CCDC102B: variants seen among roughly 807,000 people sequenced by gnomAD.
CCDC102B encodes the protein coiled-coil domain containing 102B, also known as coiled-coil domain-containing protein 102B.
CCDC102B carries 75 observed loss-of-function variants against 57.4 expected under a neutral mutation model. The observed-to-expected ratio is 1.31, with a 90% confidence interval of 1.08 to 1.58. CCDC102B has a LOEUF of 1.58. CCDC102B is among the 40% of genes most tolerant of loss of function. The pLI, the probability that CCDC102B is intolerant of heterozygous loss-of-function variation, is 0.00. For synonymous variants in CCDC102B, 206 were observed against 201.9 expected, an observed-to-expected ratio of 1.02 and a Z score of -0.17; for missense variants, 636 against 582.6, an observed-to-expected ratio of 1.09 and a Z score of -0.94.
At chr18:68,936,793 A>T (rs1245932550) in intron 6 of CCDC102B, among the ~76,000 whole-genome samples, 1 of 150,744 alleles carries the variant, frequency 6.6e-6, no homozygotes, top group Non-Finnish European at 1.5e-5. Context: ...ATATATACAT[A>T]CACATATATA....
chr18:68,795,576 G>A (rs2035602304), upstream of CCDC102B, among the ~76,000 whole-genome samples: 1 of 152,036 alleles, frequency 6.6e-6, no homozygotes, highest in Admixed American at 6.6e-5. Context: ...TTGGTTTGTA[G>A]ACCTATCACT....
chr18:69,016,634 G>A (rs2051676747), intron 7 of CCDC102B, among the ~76,000 whole-genome samples: 1 of 152,082 alleles, frequency 6.6e-6, no homozygotes, highest in African/African-American at 2.4e-5. Context: ...TTTGCTTTAT[G>A]AATCACTATG....
At chr18:68,948,791 C>T (rs1445601871) in intron 6 of CCDC102B, among the ~76,000 whole-genome samples, 3 of 152,054 alleles carry the variant, frequency 2.0e-5, no homozygotes, top group Non-Finnish European at 2.9e-5. Flanking sequence ...TTCTAAGTGC[C>T]GAGTGTAACT....
In CCDC102B at chr18:68,781,074, T is replaced by C. The variant is rs568374875; in HGVS notation, c.-66-42292T>C. ...TAGATAAGCATAACTTATCTGTTTT[T>C]GTATGTATCATCTGTAATTGTTGTT... is the stretch of plus-strand genomic sequence containing the variant. On this transcript the variant is annotated intron_variant, in intron 2 of 3. Coordinates refer to the CCDC102B transcript ENST00000578970. Among the ~76,000 whole-genome samples the C allele has an allele frequency of 5.3e-5, 8 of 152,216 alleles. No homozygotes were observed. In the East Asian group the frequency reaches 1.4e-3, roughly 26 times the overall value.
chr18:68,874,602 A>G (rs2039370905), intron 4 of CCDC102B, 67 bp from the exon 5 acceptor site: 1 of 925,622 alleles, frequency 1.1e-6, no homozygotes, highest in Non-Finnish European at 1.7e-6. Flanking sequence ...ATGAAGGACT[A>G]ATGTGGATTA....
intron 7 of CCDC102B, among the ~76,000 whole-genome samples, chr18:69,023,718 C>G (rs568686146): frequency 6.6e-6 from 1 of 151,888 alleles, no homozygotes; most frequent in East Asian, 1.9e-4. Context: ...GCCACTGTTG[C>G]AATATATATT....
chr18:68,898,190 T>C (rs1286450918), intron 6 of CCDC102B, among the ~76,000 whole-genome samples: 1 of 152,110 alleles, frequency 6.6e-6, no homozygotes, highest in Non-Finnish European at 1.5e-5. Context: ...TATAGCATCT[T>C]AATGCACAAT....
In CCDC102B at chr18:68,738,998, G is replaced by GT. The variant is rs1208183457; in HGVS notation, c.-67+22418dup. Among the ~76,000 whole-genome samples, 401 of 136,800 alleles carry GT rather than the reference G, an allele frequency of 2.9e-3. 1 individual carries two copies. The highest frequency in any genetic ancestry group is 3.9e-3 in the Middle Eastern group (1 of 258). 89.7% of individuals were successfully genotyped at this position (136,800 alleles called of 152,430 possible). A position where few individuals can be genotyped will look rare whatever the true frequency, so the allele number is the denominator to read the frequency against. On this transcript the variant is annotated intron_variant, in intron 2 of 3. Coordinates refer to the CCDC102B transcript ENST00000578970. The stretch of plus-strand genomic sequence containing the variant: ...TTGGACTGTAGATGAGCAGCCTTTT[G>GT]TTTTTTTTTTTTTTAGACCAGGTCT...
intron 2 of CCDC102B, among the ~76,000 whole-genome samples, chr18:68,728,817 T>C (rs2032721464): frequency 6.6e-6 from 1 of 152,082 alleles, no homozygotes; most frequent in African/African-American, 2.4e-5. Flanking sequence ...ACCACACCTA[T>C]TAAATATTGT....
chr18:68,734,187 C>T (rs1057139690), intron 2 of CCDC102B, among the ~76,000 whole-genome samples: 7 of 152,208 alleles, frequency 4.6e-5, no homozygotes, highest in African/African-American at 4.8e-5. Context: ...ACCTGTCCTC[C>T]GGGAGGAACA....
rs561374188 is a variant in CCDC102B, at chr18:68,725,060, G to A, written c.-67+8466G>A. 2.0e-4 allele frequency among the ~76,000 whole-genome samples: 31 copies of A among 152,288 alleles called. No homozygotes were observed. The South Asian group carries it at 2.5e-3, about 12-fold the overall frequency. On this transcript the variant is annotated intron_variant, in intron 2 of 3. Transcript: ENST00000578970. ...TCACAGGGCAGCAGGAGAGAGAAGCGGTGCCGAGTGAAGAGGGAAGCCCCT... is the reference window on the plus strand; with the variant it reads ...TCACAGGGCAGCAGGAGAGAGAAGCAGTGCCGAGTGAAGAGGGAAGCCCCT...
At chr18:69,045,522 A>G (rs934056264) in intron 7 of CCDC102B, among the ~76,000 whole-genome samples, 2 of 152,178 alleles carry the variant, frequency 1.3e-5, no homozygotes, top group Non-Finnish European at 2.9e-5. Context: ...CATTTTAAAA[A>G]TAAATTTTAC....
At chr18:69,041,889 T>A (rs2052444443) in intron 7 of CCDC102B, among the ~76,000 whole-genome samples, 1 of 152,060 alleles carries the variant, frequency 6.6e-6, no homozygotes, top group African/African-American at 2.4e-5. Flanking sequence ...TTCTGTTACA[T>A]CATTGTGTTT....
chr18:69,031,198 A>T (rs1437897273), intron 7 of CCDC102B, among the ~76,000 whole-genome samples: 1 of 152,170 alleles, frequency 6.6e-6, no homozygotes. Flanking sequence ...TTGTAGAAGA[A>T]ATCATTTCAT....
intron 7 of CCDC102B, among the ~76,000 whole-genome samples, chr18:69,045,704 A>G (rs1370304977): frequency 6.6e-6 from 1 of 152,026 alleles, no homozygotes; most frequent in African/African-American, 2.4e-5. Context: ...CACCCAGATA[A>G]TAAGCATAGC....
chr18:68,952,907 T>G (rs1457670135), intron 6 of CCDC102B, among the ~76,000 whole-genome samples: 1 of 152,156 alleles, frequency 6.6e-6, no homozygotes, highest in Non-Finnish European at 1.5e-5. Flanking sequence ...CTGATACTCT[T>G]GTACATGTAT....
chr18:69,004,317 C>T (rs998803860), intron 6 of CCDC102B, among the ~76,000 whole-genome samples: 10 of 152,186 alleles, frequency 6.6e-5, no homozygotes, highest in Admixed American at 3.3e-4. Context: ...CTGGGAGGGC[C>T]GTGATCATGG....
chr18:68,727,454 A>G (rs2032648984), intron 2 of CCDC102B, among the ~76,000 whole-genome samples: 1 of 152,232 alleles, frequency 6.6e-6, no homozygotes, highest in African/African-American at 2.4e-5. Flanking sequence ...ATGTCAATAA[A>G]GCATCCCAAC....
chr18:68,937,935 A>G (rs532740182), intron 6 of CCDC102B, among the ~76,000 whole-genome samples: 384 of 152,076 alleles, frequency 2.5e-3, no homozygotes, highest in Non-Finnish European at 4.5e-3. Context: ...AAGGACATGA[A>G]CTCATCCTTT....
Sources: allele counts gnomAD v4.1 joint callset (sites outside exome capture counted in the v4.1 genomes callset), GRCh38; gene constraint gnomAD v4.1.1; transcripts MANE v1.5; gene names NCBI Gene and HGNC (gene_info 2026-07-23, HGNC 2026-07-21).